Variants in RORB observed in about 807,000 individuals in gnomAD.
The protein encoded by RORB is nuclear receptor ROR-beta.
A neutral mutation model predicts 59.1 loss-of-function variants in RORB; 6 were observed. The observed-to-expected ratio is 0.10, with a 90% CI of 0.06 to 0.20. The LOEUF is 0.20. RORB is among the 10% of genes least tolerant of loss of function. The pLI is 1.00. For missense variants in RORB, 320 were observed against 560.5 expected, an observed-to-expected ratio of 0.57 and a Z score of 4.33; for synonymous variants, 215 against 204.5, an observed-to-expected ratio of 1.05 and a Z score of -0.44.
At chr9:74,515,052 C>T (rs919254898) in intron 1 of RORB, among the ~76,000 whole-genome samples, 6 of 148,924 alleles carry the variant, frequency 4.0e-5, no homozygotes, top group African/African-American at 1.2e-4. Context: ...TAAATCAAAA[C>T]CTGGCCAATT....
At chr9:74,671,710 G>A in intron 8 of RORB, 79 bp from the exon 9 acceptor site, 1 of 768,410 alleles carries the variant, frequency 1.3e-6, no homozygotes, top group Non-Finnish European at 2.2e-6. Flanking sequence ...AAATGGGTCT[G>A]AAGCTTGGCA....
intron 4 of RORB, among the ~76,000 whole-genome samples, chr9:74,657,344 C>A (rs944128853): frequency 6.6e-6 from 1 of 152,028 alleles, no homozygotes; most frequent in Non-Finnish European, 1.5e-5. Flanking sequence ...GGATTACAGG[C>A]GTGAGCCACT....
intron 4 of RORB, among the ~76,000 whole-genome samples, chr9:74,649,196 C>T (rs1221767517): frequency 6.6e-6 from 1 of 152,052 alleles, no homozygotes. Context: ...GTAACACACC[C>T]GCCTCAGCCT....
At position 74,640,876 on chromosome 9, in the gene RORB, TGGA is replaced by T. The variant is rs1407098666; in HGVS notation, c.236-1529_236-1527del. Among the ~76,000 whole-genome samples the T allele has an allele frequency of 4.6e-5, 7 of 152,254 alleles. No homozygotes were observed. In the East Asian group the frequency reaches 1.4e-3, roughly 29 times the overall value. Reference sequence around the variant, plus strand: ...AAGAAAATGAATTTTGGAAGAATATTGGAGGAGGAGGGTGAATGGCAGCTCTTT... The same window carrying T: ...AAGAAAATGAATTTTGGAAGAATATTGGAGGAGGGTGAATGGCAGCTCTTT... On this transcript the variant is annotated intron_variant, in intron 3 of 9. Transcript: ENST00000376896.
chr9:74,580,103 G>T (rs1216982765), intron 1 of RORB, among the ~76,000 whole-genome samples: 2 of 152,028 alleles, frequency 1.3e-5, no homozygotes, highest in African/African-American at 4.8e-5. Context: ...GCATTTAGAA[G>T]GTTTGGTGCT....
At chr9:74,549,183 C>G (rs1266286448) in intron 1 of RORB, among the ~76,000 whole-genome samples, 1 of 152,128 alleles carries the variant, frequency 6.6e-6, no homozygotes, top group African/African-American at 2.4e-5. Flanking sequence ...CAGTGGCTCA[C>G]GCCTGTAATC....
chr9:74,590,920 C>G (rs1005147738), intron 1 of RORB, among the ~76,000 whole-genome samples: 7 of 152,156 alleles, frequency 4.6e-5, no homozygotes, highest in African/African-American at 9.7e-5. Flanking sequence ...CTCAGCCCCC[C>G]ACGTAGCTGG....
chr9:74,573,234 A>C (rs1287201411), intron 1 of RORB, among the ~76,000 whole-genome samples: 2 of 152,114 alleles, frequency 1.3e-5, no homozygotes, highest in Admixed American at 6.6e-5. Flanking sequence ...TCTTGTAAAG[A>C]ATTCACACAT....
chr9:74,666,458 T>TA (rs541144093), intron 7 of RORB, among the ~76,000 whole-genome samples: 11,525 of 140,610 alleles, frequency 0.082, 492 homozygotes, highest in African/African-American at 0.11. Flanking sequence ...GAGACCCTGT[T>TA]AAAAAAAAAA....
chr9:74,678,836 G>A (rs141811246), intron 9 of RORB, among the ~76,000 whole-genome samples: 158 of 151,878 alleles, frequency 1.0e-3, no homozygotes, highest in African/African-American at 3.5e-3. Context: ...GTTCAAGACC[G>A]GCCTGGCCAA....
intron 1 of RORB, among the ~76,000 whole-genome samples, chr9:74,531,550 C>A (rs576520276): frequency 5.3e-5 from 8 of 152,054 alleles, no homozygotes; most frequent in Non-Finnish European, 1.2e-4. Flanking sequence ...ATTACGAGAT[C>A]CGTTTAGAGA....
intron 1 of RORB, among the ~76,000 whole-genome samples, chr9:74,509,718 G>A (rs2118035649): frequency 6.6e-6 from 1 of 152,056 alleles, no homozygotes; most frequent in East Asian, 1.9e-4. Flanking sequence ...ACTGAGACTG[G>A]AACTCTCATC....
chr9:74,677,499 T>C lies in RORB; in HGVS notation c.1224+5598T>C, dbSNP rs192026046. Among the ~76,000 whole-genome samples the C allele has an allele frequency of 3.1e-3, 467 of 152,370 alleles. 2 individuals carry two copies. The highest frequency in any genetic ancestry group is 0.011 in the African/African-American group (440 of 41,594). On this transcript the variant is annotated intron_variant, in intron 9 of 9. Transcript: ENST00000376896. Reference sequence around the variant, plus strand: ...ATTATAAAATTAATTGCACCTGTTCTTTCTTTTAACTGTGTGTAATGTGGC... The same window carrying C: ...ATTATAAAATTAATTGCACCTGTTCCTTCTTTTAACTGTGTGTAATGTGGC...
intron 4 of RORB, among the ~76,000 whole-genome samples, chr9:74,654,001 A>G (rs1824037797): frequency 6.6e-6 from 1 of 152,186 alleles, no homozygotes. Context: ...AAGCAGATGT[A>G]GCCCTTTTTC....
intron 6 of RORB, 78 bp downstream of exon 6, chr9:74,662,684 A>G (rs1824208199): frequency 1.4e-6 from 2 of 1,474,104 alleles, no homozygotes; most frequent in African/African-American, 2.8e-5. Context: ...GTTCTAGAAA[A>G]TCCTCCTTCC....
chr9:74,570,280 A>G (rs887468213), intron 1 of RORB, among the ~76,000 whole-genome samples: 3 of 152,122 alleles, frequency 2.0e-5, no homozygotes, highest in Non-Finnish European at 4.4e-5. Flanking sequence ...GCATACAGGC[A>G]TATATGTGCT....
At chr9:74,604,576 A>T (rs950754106) in intron 1 of RORB, among the ~76,000 whole-genome samples, 1 of 152,192 alleles carries the variant, frequency 6.6e-6, no homozygotes, top group Non-Finnish European at 1.5e-5. Flanking sequence ...TACAGCTCTT[A>T]ATTTTCAACC....
At chr9:74,636,285 G>A (rs556419035) in intron 3 of RORB, among the ~76,000 whole-genome samples, 1 of 152,122 alleles carries the variant, frequency 6.6e-6, no homozygotes, top group South Asian at 2.1e-4. Context: ...CGCAGTGTCC[G>A]AAAAGCTCCA....
rs566301579 is a variant in RORB, at chr9:74,652,937, T to A, written c.638-7680T>A. On this transcript the variant is annotated intron_variant, in intron 4 of 9. Coordinates refer to ENST00000376896, the MANE Select transcript of RORB (RefSeq NM_006914.4). The stretch of plus-strand genomic sequence containing the variant: ...AATAGATTACTGTTTTAAGCTTAAA[T>A]ATATCAATGGTTTTATTCTGACAGC... Among the ~76,000 whole-genome samples the A allele has an allele frequency of 4.3e-4, 66 of 152,320 alleles. 1 individual carries two copies. The South Asian group carries it at 7.3e-3, about 17-fold the overall frequency.
Sources: allele counts gnomAD v4.1 joint callset (sites outside exome capture counted in the v4.1 genomes callset), GRCh38; gene constraint gnomAD v4.1.1; transcripts MANE v1.5; gene names NCBI Gene and HGNC (gene_info 2026-07-23, HGNC 2026-07-21).